The following DNAH9 variants were observed in gnomAD, a reference collection of about 807,000 sequenced individuals.
DNAH9 encodes the protein DNAH9 variant protein.
DNAH9 carries 345 observed loss-of-function variants against 471.6 expected under a neutral mutation model. The observed-to-expected ratio is 0.73, with a 90% CI of 0.67 to 0.80. The LOEUF (loss-of-function observed/expected upper bound fraction) is 0.80, where lower values mean the gene tolerates loss of function less well. DNAH9 is among the 30% of genes least tolerant of loss of function. The pLI, the probability that DNAH9 is intolerant of heterozygous loss-of-function variation, is 0.00. For missense variants in DNAH9, 5,407 were observed against 5,609.2 expected (o/e 0.96, Z 1.15); for synonymous variants, 2,093 against 2,123.6 (o/e 0.99, Z 0.40).
chr17:11,967,223 C>CA (rs112131022), intron 68 of DNAH9, among the ~76,000 whole-genome samples: 7 of 151,956 alleles, frequency 4.6e-5, no homozygotes, highest in African/African-American at 1.7e-4. Flanking sequence ...CCTCTTGCCT[C>CA]AGTTCCCAAG....
At chr17:11,727,782 C>T in intron 27 of DNAH9, 36 bp from the exon 28 acceptor site, 2 of 1,426,222 alleles carry the variant, frequency 1.4e-6, no homozygotes, top group Non-Finnish European at 9.9e-7. Context: ...TAAGCCTGGC[C>T]CGTTGGTAAT....
chr17:11,672,062 AATT>A (rs1219331511), intron 17 of DNAH9, among the ~76,000 whole-genome samples: 3 of 152,198 alleles, frequency 2.0e-5, no homozygotes, highest in South Asian at 2.1e-4. Context: ...ATAATAAAAA[AATT>A]ATTATTGTCT....
At chr17:11,738,180 C>T (rs756348596) in intron 28 of DNAH9, among the ~76,000 whole-genome samples, 10 of 152,074 alleles carry the variant, frequency 6.6e-5, no homozygotes, top group Admixed American at 1.3e-4. Context: ...AATTGAAGTG[C>T]CCCCCTCCAA....
Position 11,652,937 on chromosome 17 carries a change from G to C in DNAH9, c.2530G>C (p.Asp844His), listed in dbSNP as rs571270011. 2 of 1,613,884 alleles carry C rather than the reference G, an allele frequency of 1.2e-6. No individual in the cohort carries two copies. The highest frequency in any genetic ancestry group is 3.3e-5 in the Admixed American group (2 of 60,004). Residue 844 changes from aspartate (D) to histidine (H), a missense_variant, in exon 14 of 69, where the codon GAT (aspartate) becomes CAT (histidine). Physicochemically the swap from Asp to His is moderately conservative, Grantham distance 81. This residue lies in a region of DNAH9 where 4,636 missense variants were observed against 4,900.3 expected (regional missense o/e 0.95). Transcript: ENST00000262442. ...ESLLSLDDRHDRMEKYYNLIK... is the reference protein window; with the variant it reads ...ESLLSLDDRHHRMEKYYNLIK... ...CCTTCTTTCTCTGGATGATCGGCATGATCGAATGGAAAAATATTACAATCT... is the reference window on the plus strand; with the variant it reads ...CCTTCTTTCTCTGGATGATCGGCATCATCGAATGGAAAAATATTACAATCT...
At chr17:11,887,812 C>T (rs1339229581) in intron 57 of DNAH9, among the ~76,000 whole-genome samples, 1 of 151,956 alleles carries the variant, frequency 6.6e-6, no homozygotes, top group Non-Finnish European at 1.5e-5. Flanking sequence ...AGCTAAACCA[C>T]CATGTGAAGA....
intron 38 of DNAH9, among the ~76,000 whole-genome samples, chr17:11,769,799 T>G (rs1968127551): frequency 6.6e-6 from 1 of 152,242 alleles, no homozygotes; most frequent in South Asian, 2.1e-4. Flanking sequence ...ACATCTGGTC[T>G]GACTCCACCT....
rs542929611 is a variant in DNAH9 at position 11,939,710 on chromosome 17, A to G, written c.12660+2188A>G. Among the ~76,000 whole-genome samples, 6 of 152,342 alleles carry G rather than the reference A, an allele frequency of 3.9e-5. No homozygotes were observed. In the East Asian group the frequency reaches 9.6e-4, roughly 24 times the overall value. The stretch of plus-strand genomic sequence containing the variant: ...CATACACTCATGAACTCTTGACTCA[A>G]TTCTGTTCCCATGTTTACATCTATA... On this transcript the variant is annotated intron_variant, in intron 66 of 68. Transcript: ENST00000262442.
At chr17:11,691,793 G>GT (rs933610472) in intron 20 of DNAH9, among the ~76,000 whole-genome samples, 3 of 151,904 alleles carry the variant, frequency 2.0e-5, no homozygotes, top group Admixed American at 6.6e-5. Flanking sequence ...GCCCTCTTGT[G>GT]TTTTTTTGTT....
chr17:11,947,772 A>AATTTTTTTTTTTT (rs1555528615), intron 67 of DNAH9, among the ~76,000 whole-genome samples: 2 of 108,344 alleles, frequency 1.8e-5, no homozygotes, highest in African/African-American at 3.9e-5. Flanking sequence ...GCTGGGAACT[A>AATTTTTTTTTTTT]TTTTTTTTTT....
rs1015713529 is a variant in DNAH9 at position 11,938,195 on chromosome 17, C to A, written c.12660+673C>A. ...CTGAAGATAAAGAAAGAATGGGCCT[C>A]ACACCTGTAATCCCAGCACTTTGGG... On this transcript the variant is annotated intron_variant, in intron 66 of 68. Transcript: ENST00000262442. Among the ~76,000 whole-genome samples the A allele has an allele frequency of 3.3e-5, 5 of 152,170 alleles. No individual in the cohort carries two copies. In the South Asian group the frequency reaches 1.0e-3, roughly 32 times the overall value.
intron 44 of DNAH9, 113 bp from the exon 45 acceptor site, chr17:11,810,133 T>G: frequency 7.5e-7 from 1 of 1,330,092 alleles, no homozygotes; most frequent in African/African-American, 1.5e-5. Flanking sequence ...TCACCTTACT[T>G]TAATTCCCAT....
At chr17:11,728,697 G>A (rs905026915) in intron 28 of DNAH9, among the ~76,000 whole-genome samples, 1 of 152,170 alleles carries the variant, frequency 6.6e-6, no homozygotes, top group Non-Finnish European at 1.5e-5. Flanking sequence ...CGGAGCAGTA[G>A]GAGGGTGAAG....
chr17:11,871,695 C>T lies in DNAH9; in HGVS notation c.10151C>T (p.Thr3384Met), dbSNP rs775095547. 4.3e-6 allele frequency: 7 copies of T among 1,614,080 alleles called. No individual in the cohort carries two copies. The Admixed American group carries it at 8.3e-5, about 19-fold the overall frequency. ...TTATGTGGAGACATTTTACTTATAA[C>T]GGCTTTCATTTCCTACCTTGGCTTC... ...RTLCGDILLI[T>M]AFISYLGFFT... The change falls in exon 52 of 69, where the codon ACG (threonine) becomes ATG (methionine). Residue 3384 changes from threonine to methionine, a missense_variant. Thr to Met is a moderately conservative substitution (Grantham distance 81, BLOSUM62 -1). Coordinates refer to ENST00000262442, the MANE Select transcript of DNAH9 (RefSeq NM_001372.4).
intron 59 of DNAH9, among the ~76,000 whole-genome samples, chr17:11,896,959 A>G (rs930566198): frequency 6.6e-6 from 1 of 152,150 alleles, no homozygotes; most frequent in African/African-American, 2.4e-5. Context: ...GTGTGGTGGC[A>G]CACACCTGTA....
intron 12 of DNAH9, among the ~76,000 whole-genome samples, chr17:11,648,851 C>T (rs1289141803): frequency 6.6e-6 from 1 of 152,040 alleles, no homozygotes; most frequent in East Asian, 1.9e-4. Flanking sequence ...CAGGGCCGGG[C>T]GTGGTGGCTC....
intron 59 of DNAH9, among the ~76,000 whole-genome samples, chr17:11,895,136 T>C (rs1192737234): frequency 6.6e-6 from 1 of 152,252 alleles, no homozygotes; most frequent in Non-Finnish European, 1.5e-5. Context: ...TTCCACATCA[T>C]GCAGCTTAGT....
intron 64 of DNAH9, among the ~76,000 whole-genome samples, chr17:11,933,210 T>C (rs544477750): frequency 6.6e-6 from 1 of 152,294 alleles, no homozygotes; most frequent in African/African-American, 2.4e-5. Flanking sequence ...AAAAGTACTC[T>C]GGTCCTCACT....
chr17:11,698,182 T>TATTAATATATTAATTATA (rs369729599), intron 22 of DNAH9, among the ~76,000 whole-genome samples: 14 of 120,326 alleles, frequency 1.2e-4, no homozygotes, highest in South Asian at 7.1e-4. Flanking sequence ...TAATATATTA[T>TATTAATATATTAATTATA]TATATTAATA....
At chr17:11,672,769 A>G (rs113201944) in intron 17 of DNAH9, among the ~76,000 whole-genome samples, 3,677 of 151,536 alleles carry the variant, frequency 0.024, 150 homozygotes, top group African/African-American at 0.083. Flanking sequence ...TGCTACCTAC[A>G]TCTCTTCTGC....
Sources: gnomAD v4.1 joint callset for allele counts (sites outside exome capture counted in the v4.1 genomes callset) on GRCh38, gnomAD v4.1.1 for gene constraint, gnomAD v4.1.1 regional missense constraint, MANE v1.5 for transcripts, NCBI Gene and HGNC (gene_info 2026-07-23, HGNC 2026-07-21) for gene names.